KMT5B: variants seen among roughly 807,000 people sequenced by gnomAD.
KMT5B encodes the protein lysine methyltransferase 5B, also known as histone-lysine N-methyltransferase KMT5B.
KMT5B carries 10 observed loss-of-function variants against 83.2 expected under a neutral mutation model. That is an observed-to-expected ratio of 0.12 (90% CI 0.07 to 0.20). The LOEUF is 0.20. Among genes scored for constraint, KMT5B ranks in the 10% least tolerant of loss-of-function variants. The pLI, the probability that KMT5B is intolerant of heterozygous loss-of-function variation, is 1.00. For synonymous variants in KMT5B, 349 were observed against 388.8 expected (o/e 0.90, Z 1.20); for missense variants, 753 against 1,067.2 (o/e 0.71, Z 4.10).
At chr11:68,192,620 T>C (rs1159063292) in intron 1 of KMT5B, among the ~76,000 whole-genome samples, 2 of 152,214 alleles carry the variant, frequency 1.3e-5, no homozygotes, top group African/African-American at 2.4e-5. Flanking sequence ...ATTTATCTCT[T>C]TGTTCCAAGG....
intron 1 of KMT5B, among the ~76,000 whole-genome samples, chr11:68,192,947 G>A (rs545194439): frequency 2.6e-5 from 4 of 152,282 alleles, no homozygotes; most frequent in East Asian, 3.9e-4. Context: ...TTTGGGAACC[G>A]ATTGATCTGA....
chr11:68,183,917 C>G (rs2153066062), intron 3 of KMT5B, among the ~76,000 whole-genome samples: 1 of 152,178 alleles, frequency 6.6e-6, no homozygotes. Context: ...AGCTTGGCCT[C>G]CCAAAGTGCT....
rs541490098 is a variant in KMT5B at position 68,195,008 on chromosome 11, C to T, written c.-76-4856G>A. Among the ~76,000 whole-genome samples the T allele has an allele frequency of 1.6e-3, 240 of 152,112 alleles. 8 individuals carry two copies. The South Asian group carries it at 0.047, about 30-fold the overall frequency. On this transcript the variant is annotated intron_variant, in intron 1 of 10. Transcript: ENST00000304363. ...TGGGCAACACGGCAAGACCTCATTGCTACTAAAAATAAAAATTAAAAAATT... is the reference window on the plus strand; with the variant it reads ...TGGGCAACACGGCAAGACCTCATTGTTACTAAAAATAAAAATTAAAAAATT...
chr11:68,204,807 G>A (rs1186992943), intron 1 of KMT5B, among the ~76,000 whole-genome samples: 1 of 151,838 alleles, frequency 6.6e-6, no homozygotes, highest in African/African-American at 2.4e-5. Flanking sequence ...AGTAGAGATG[G>A]GGTTTCGCCA....
rs768350719 is a variant in KMT5B, at chr11:68,159,097, T to C, written c.1249A>G (p.Arg417Gly). The C allele has an allele frequency of 6.2e-7, 1 of 1,603,224 alleles. No individual in the cohort carries two copies. Among genetic ancestry groups the C allele is most frequent in the African/African-American group, 1.3e-5 (1 of 74,146 alleles). The part of the protein sequence containing the change: ...SRTLTRQSMS[R>G]IPASSNSTSS... ...GTAGAGTTGGAAGAAGCTGGAATTC[T>C]TGACATAGATTGCCTCGTTAACGTT... The change falls in exon 11 of 11, where the codon AGA (arginine) becomes GGA (glycine). Residue 417 changes from arginine (R) to glycine (G), a missense_variant. Around this residue, in one of 9 missense-constraint regions of KMT5B, gnomAD observed 397 missense variants for 395.9 expected, o/e 1.00. Transcript: ENST00000304363.
chr11:68,164,116 C>T (rs555246688), intron 10 of KMT5B, among the ~76,000 whole-genome samples: 9 of 152,326 alleles, frequency 5.9e-5, no homozygotes, highest in South Asian at 4.1e-4. Context: ...CATTCTAATT[C>T]AGACCTGTGG....
At chr11:68,188,157 T>C (rs908666646) in intron 2 of KMT5B, among the ~76,000 whole-genome samples, 2 of 151,392 alleles carry the variant, frequency 1.3e-5, no homozygotes, top group Non-Finnish European at 2.9e-5. Flanking sequence ...CACGAGTAGT[T>C]GGGACTACAG....
intron 2 of KMT5B, among the ~76,000 whole-genome samples, chr11:68,188,345 C>CT (rs140000923): frequency 0.052 from 7,594 of 145,228 alleles, 202 homozygotes; most frequent in African/African-American, 0.062. Flanking sequence ...TTTCTAAACT[C>CT]TTTTTTTTTT....
At chr11:68,188,149 C>T (rs1352285860) in intron 2 of KMT5B, among the ~76,000 whole-genome samples, 2 of 151,312 alleles carry the variant, frequency 1.3e-5, no homozygotes, top group Admixed American at 6.6e-5. Flanking sequence ...CTCAGCCTCA[C>T]GAGTAGTTGG....
At chr11:68,185,055 C>T (rs1007164669) in intron 3 of KMT5B, among the ~76,000 whole-genome samples, 2 of 152,024 alleles carry the variant, frequency 1.3e-5, no homozygotes, top group Non-Finnish European at 2.9e-5. Flanking sequence ...GACAAAATTC[C>T]CCATCTATAC....
intron 5 of KMT5B, among the ~76,000 whole-genome samples, chr11:68,174,370 T>C (rs570382265): frequency 6.6e-6 from 1 of 152,336 alleles, no homozygotes; most frequent in African/African-American, 2.4e-5. Flanking sequence ...AATCCTCCCA[T>C]GAGCATTTCC....
At chr11:68,164,840 C>T (rs552058952) in intron 10 of KMT5B, among the ~76,000 whole-genome samples, 3 of 152,230 alleles carry the variant, frequency 2.0e-5, no homozygotes, top group Non-Finnish European at 4.4e-5. Context: ...TACTTGTGCA[C>T]CTGTCTTATC....
intron 10 of KMT5B, among the ~76,000 whole-genome samples, chr11:68,161,703 C>T (rs1854884240): frequency 6.6e-6 from 1 of 152,166 alleles, no homozygotes; most frequent in Non-Finnish European, 1.5e-5. Flanking sequence ...CTTCTCTTGG[C>T]TGTCAAAGAG....
At chr11:68,195,131 C>T (rs979904849) in intron 1 of KMT5B, among the ~76,000 whole-genome samples, 4 of 151,942 alleles carry the variant, frequency 2.6e-5, no homozygotes, top group African/African-American at 4.8e-5. Context: ...GAGCCATGAC[C>T]ATGCCATTAC....
At chr11:68,170,973 A>G (rs1490101578) in intron 9 of KMT5B, 42 bp downstream of exon 9, 6 of 1,551,806 alleles carry the variant, frequency 3.9e-6, no homozygotes, top group Non-Finnish European at 4.3e-6. Flanking sequence ...TCAGGTTGTT[A>G]ACAAAAAATG....
In KMT5B at chr11:68,171,104, G is replaced by A. The variant is rs747283281; in HGVS notation, c.888C>T (p.Asp296=). ...AAGAAATTTCTTCTCCAGGTTCAAT[G>A]TCTCTTAGAGCCTTCACACATGCTG... ...RDTACVKALR[D]IEPGEEISCY... The change falls in exon 9 of 11, where the codon GAC becomes GAT. Residue 296 remains aspartate (D), a synonymous_variant. Coordinates refer to ENST00000304363, the MANE Select transcript of KMT5B (RefSeq NM_017635.5). The surrounding 1 kb of genome is among the most constrained non-coding windows in gnomAD (Gnocchi z 5.1). 6 of 1,608,324 alleles carry A rather than the reference G, an allele frequency of 3.7e-6. No homozygotes were observed. The East Asian group carries it at 1.1e-4, about 30-fold the overall frequency.
At chr11:68,174,774 C>A (rs1359922094) in intron 5 of KMT5B, among the ~76,000 whole-genome samples, 1 of 152,016 alleles carries the variant, frequency 6.6e-6, no homozygotes. Flanking sequence ...AAGTCCTGGC[C>A]TCAAGCAATA....
At chr11:68,191,371 T>C (rs1156283335) in intron 1 of KMT5B, among the ~76,000 whole-genome samples, 1 of 151,982 alleles carries the variant, frequency 6.6e-6, no homozygotes, top group Non-Finnish European at 1.5e-5. Flanking sequence ...CCTTGCTCTG[T>C]CGCCCCGGCT....
intron 10 of KMT5B, 75 bp downstream of exon 10, chr11:68,166,907 C>T: frequency 6.3e-7 from 1 of 1,579,082 alleles, no homozygotes; most frequent in Non-Finnish European, 8.6e-7. Flanking sequence ...TTTAAAACTA[C>T]TGAAGCACAC....
Sources: gnomAD v4.1 joint callset for allele counts (sites outside exome capture counted in the v4.1 genomes callset) on GRCh38, gnomAD v4.1.1 for gene constraint, gnomAD v4.1.1 regional missense constraint, Gnocchi (gnomAD v3.1) non-coding constraint, MANE v1.5 for transcripts, NCBI Gene and HGNC (gene_info 2026-07-23, HGNC 2026-07-21) for gene names.